Variants in MRC2 observed in about 807,000 individuals in gnomAD.
MRC2 encodes mannose receptor C-type 2.
Under a neutral mutation model 206.2 loss-of-function variants are expected in MRC2, and 84 were observed. The ratio of observed to expected loss-of-function variants is 0.41; its 90% CI spans 0.34 to 0.49. The LOEUF (loss-of-function observed/expected upper bound fraction) is 0.49, where lower values mean the gene tolerates loss of function less well. Among genes scored for constraint, MRC2 ranks in the 20% least tolerant of loss-of-function variants. MRC2 has a pLI of 0.31. For missense variants in MRC2, 1,676 were observed against 2,001.5 expected (o/e 0.84, Z 3.10); for synonymous variants, 798 against 800.0 (o/e 1.00, Z 0.04).
At chr17:62,653,523 A>G (rs543000633) in intron 1 of MRC2, among the ~76,000 whole-genome samples, 1 of 152,308 alleles carries the variant, frequency 6.6e-6, no homozygotes, top group Admixed American at 6.5e-5. Context: ...ATGTCTTCCT[A>G]GAACACAGGA....
intron 20 of MRC2, among the ~76,000 whole-genome samples, chr17:62,682,756 C>A (rs1419603823): frequency 6.6e-6 from 1 of 151,886 alleles, no homozygotes; most frequent in Non-Finnish European, 1.5e-5. Flanking sequence ...ATTCTCTTGC[C>A]TCAGCCTCCC....
chr17:62,631,101 G>A (rs1012744999), intron 1 of MRC2, among the ~76,000 whole-genome samples: 1 of 152,136 alleles, frequency 6.6e-6, no homozygotes, highest in East Asian at 1.9e-4. Flanking sequence ...TCTGATGCAC[G>A]TAGGGCACCG....
chr17:62,676,680 A>G, intron 11 of MRC2, 149 bp downstream of exon 11: 3 of 936,700 alleles, frequency 3.2e-6, no homozygotes, highest in Non-Finnish European at 4.6e-6. Context: ...CTGAAACCAA[A>G]CTGCCTGGCT....
rs757193288 is a variant in MRC2 at position 62,671,800 on chromosome 17, G to A, written c.1269G>A (p.Met423Ile). ...GGGDLVSIHS[M>I]AELEFITKQI... ...GCGACCTGGTCAGCATCCACAGCATGGCGGAGCTGGAATTCATCACCAAGC... is the reference window on the plus strand; with the variant it reads ...GCGACCTGGTCAGCATCCACAGCATAGCGGAGCTGGAATTCATCACCAAGC... The change falls in exon 7 of 30, where the codon ATG becomes ATA. Residue 423 changes from methionine (M) to isoleucine (I), a missense_variant. By Grantham distance (10) the Met-to-Ile change is conservative (BLOSUM62 1). Transcript: ENST00000303375. This position sits in a 1 kb window ranked among gnomAD's most constrained non-coding sequence, Gnocchi z 4.5. 5 of 1,607,546 alleles carry A rather than the reference G, an allele frequency of 3.1e-6. No individual in the cohort carries two copies. The highest frequency in any genetic ancestry group is 2.2e-5 in the South Asian group (2 of 90,508).
chr17:62,649,647 A>G (rs2088531419), intron 1 of MRC2, among the ~76,000 whole-genome samples: 1 of 152,104 alleles, frequency 6.6e-6, no homozygotes, highest in African/African-American at 2.4e-5. Context: ...GAATGTTGCC[A>G]TGTCAGGAGG....
chr17:62,647,524 CTTCTGTGTCTAAATACCCTTTATACAT>C (rs2088505312), intron 1 of MRC2, among the ~76,000 whole-genome samples: 1 of 152,046 alleles, frequency 6.6e-6, no homozygotes, highest in Admixed American at 6.6e-5. Flanking sequence ...AGAATGTGAA[CTTCTGTGTCTAAATACCCTTTATACAT>C]TTCTGTTGTG....
chr17:62,638,343 AC>A (rs2088352904), intron 1 of MRC2, among the ~76,000 whole-genome samples: 1 of 152,200 alleles, frequency 6.6e-6, no homozygotes. Context: ...AGTCCAATGT[AC>A]TAGAAAAAAA....
chr17:62,690,001 G>A lies in MRC2; in HGVS notation c.3681G>A (p.Gly1227=), dbSNP rs2089085608. The A allele has an allele frequency of 1.9e-6, 3 of 1,612,162 alleles. No homozygotes were observed. Among genetic ancestry groups the A allele is most frequent in the Non-Finnish European group, 2.5e-6 (3 of 1,179,542 alleles). The stretch of plus-strand genomic sequence containing the variant: ...GCTGTACCTACGTAGATGTGGACGG[G>A]GCCTGGCGCACCACCAGCTGTGACA... The part of the protein sequence containing the change: ...PGGCTYVDVD[G]AWRTTSCDTK... The change falls in exon 25 of 30, where the codon GGG becomes GGA. Residue 1227 remains glycine (G), a synonymous_variant. Coordinates refer to ENST00000303375, the MANE Select transcript of MRC2 (RefSeq NM_006039.5).
Position 62,667,647 on chromosome 17 carries a change from C to T in MRC2, c.1117+114C>T. On this transcript the variant is annotated intron_variant, in intron 6 of 29. Transcript: ENST00000303375. This position sits in a 1 kb window ranked among gnomAD's most constrained non-coding sequence, Gnocchi z 4.1. ...CGGTTACCACCACAGCACAAGGGGA[C>T]TCTGGATCCTCTGACTCTTATTTCA... The T allele has an allele frequency of 9.0e-7, 1 of 1,115,252 alleles. No homozygotes were observed. Among genetic ancestry groups the T allele is most frequent in the African/African-American group, 1.6e-5 (1 of 61,614 alleles). The allele number at this position is 1,115,252 out of a possible 1,614,324, so 69.1% of individuals were successfully genotyped here.
At chr17:62,649,445 G>A (rs1365633862) in intron 1 of MRC2, among the ~76,000 whole-genome samples, 3 of 152,106 alleles carry the variant, frequency 2.0e-5, no homozygotes, top group Non-Finnish European at 4.4e-5. Flanking sequence ...ACAAAAATTA[G>A]CGAGGCATGG....
chr17:62,682,429 A>G (rs2088980322), intron 20 of MRC2, 52 bp downstream of exon 20: 1 of 1,557,362 alleles, frequency 6.4e-7, no homozygotes, highest in African/African-American at 1.4e-5. Context: ...GGACGTGAAC[A>G]GGGAAAGGCT....
At position 62,678,556 on chromosome 17, in the gene MRC2, G is replaced by A. The variant is rs868795018; in HGVS notation, c.2105G>A (p.Gly702Glu). ...AAGAAGAGCTGGGTCCAGGCCCAGG[G>A]GGCCTGCCAGGAGCTGGGGGCCCAG... is the stretch of plus-strand genomic sequence containing the variant. Reference protein sequence around the residue: ...QDKKSWVQAQGACQELGAQLL... With the variant: ...QDKKSWVQAQEACQELGAQLL... Residue 702 changes from glycine to glutamate, a missense_variant, in exon 13 of 30, where the codon GGG (glycine) becomes GAG (glutamate). Coordinates refer to ENST00000303375, the MANE Select transcript of MRC2 (RefSeq NM_006039.5). 6.2e-7 allele frequency: 1 copy of A among 1,610,224 alleles called. No homozygotes were observed. Among genetic ancestry groups the A allele is most frequent in the East Asian group, 2.2e-5 (1 of 44,802 alleles).
chr17:62,681,384 T>C (rs2088964719), intron 18 of MRC2: 3 of 562,626 alleles, frequency 5.3e-6, no homozygotes, highest in Non-Finnish European at 6.3e-6. Flanking sequence ...CATTAGTTAC[T>C]AAATAATGGC....
chr17:62,687,547 G>T (rs2089047150), intron 20 of MRC2, among the ~76,000 whole-genome samples: 1 of 152,218 alleles, frequency 6.6e-6, no homozygotes, highest in Non-Finnish European at 1.5e-5. Context: ...CTTGATGAGA[G>T]ATTTCCTACC....
At chr17:62,670,948 C>A (rs193086641) in intron 6 of MRC2, among the ~76,000 whole-genome samples, 1 of 152,306 alleles carries the variant, frequency 6.6e-6, no homozygotes, top group East Asian at 1.9e-4. Flanking sequence ...AACAGTGATT[C>A]CATTTACTAG....
chr17:62,654,653 C>A (rs2088596260), intron 1 of MRC2, among the ~76,000 whole-genome samples: 1 of 152,116 alleles, frequency 6.6e-6, no homozygotes, highest in Non-Finnish European at 1.5e-5. Context: ...AGCCTCGCGA[C>A]TTCACCAAAG....
At chr17:62,644,149 T>A (rs1354243348) in intron 1 of MRC2, among the ~76,000 whole-genome samples, 2 of 152,222 alleles carry the variant, frequency 1.3e-5, no homozygotes, top group Non-Finnish European at 2.9e-5. Flanking sequence ...CTGGGTGTGG[T>A]GACTCCTGTC....
Position 62,681,247 on chromosome 17 carries a change from G to T in MRC2, c.2702+118G>T, listed in dbSNP as rs2088962989. 2.4e-6 allele frequency: 3 copies of T among 1,233,556 alleles called. No homozygotes were observed. In the African/African-American group the frequency reaches 4.5e-5, roughly 18 times the overall value. 76.4% of individuals were successfully genotyped at this position (1,233,556 alleles called of 1,614,324 possible). ...CCTTCCTTGCTGGCTGTGTGGCCTT[G>T]AGCAAGATACTTAACCTTTCTGGGC... On this transcript the variant is annotated intron_variant, in intron 18 of 29. Transcript: ENST00000303375.
intron 1 of MRC2, among the ~76,000 whole-genome samples, chr17:62,640,026 T>TTA (rs2088379950): frequency 1.0e-5 from 1 of 96,666 alleles, no homozygotes; most frequent in Non-Finnish European, 2.1e-5. Context: ...GCTTTTTTTT[T>TTA]TTTTTTTTTT....
Sources: allele counts gnomAD v4.1 joint callset (sites outside exome capture counted in the v4.1 genomes callset), GRCh38; gene constraint gnomAD v4.1.1; non-coding constraint Gnocchi (gnomAD v3.1); transcripts MANE v1.5; gene names NCBI Gene and HGNC (gene_info 2026-07-23, HGNC 2026-07-21).